Variants in KDM4C observed in about 807,000 individuals in gnomAD.
KDM4C encodes lysine demethylase 4C.
A neutral mutation model predicts 129.3 loss-of-function variants in KDM4C; 81 were observed. That is an observed-to-expected ratio of 0.63 (90% confidence interval 0.52 to 0.75). The LOEUF (loss-of-function observed/expected upper bound fraction) is 0.75. KDM4C is among the 30% of genes least tolerant of loss of function. The pLI is 0.00. For synonymous variants in KDM4C, 573 were observed against 456.1 expected (o/e 1.26, Z -3.26); for missense variants, 1,457 against 1,304.0 (o/e 1.12, Z -1.81).
intron 19 of KDM4C, among the ~76,000 whole-genome samples, chr9:7,144,095 CT>C (rs1037826434): frequency 4.6e-5 from 7 of 151,634 alleles, no homozygotes; most frequent in Non-Finnish European, 8.8e-5. Context: ...CATTACTCCT[CT>C]TTTTGTTTTT....
At chr9:6,822,498 C>G (rs1346513182) in intron 4 of KDM4C, among the ~76,000 whole-genome samples, 2 of 152,164 alleles carry the variant, frequency 1.3e-5, no homozygotes, top group African/African-American at 4.8e-5. Flanking sequence ...GTAGTTAAAA[C>G]AAGATCTTAG....
At chr9:7,075,289 A>T (rs1026761763) in intron 17 of KDM4C, among the ~76,000 whole-genome samples, 1 of 152,088 alleles carries the variant, frequency 6.6e-6, no homozygotes, top group Non-Finnish European at 1.5e-5. Flanking sequence ...TTGAAGTTCA[A>T]CTGTCCTGTT....
At chr9:7,151,906 C>T (rs758421235) in intron 19 of KDM4C, among the ~76,000 whole-genome samples, 3 of 152,180 alleles carry the variant, frequency 2.0e-5, no homozygotes, top group East Asian at 1.9e-4. Context: ...CTGAAAAAGA[C>T]GCAGTCAGAA....
intron 5 of KDM4C, among the ~76,000 whole-genome samples, chr9:6,866,843 C>T (rs936938999): frequency 6.7e-6 from 1 of 149,632 alleles, no homozygotes; most frequent in Non-Finnish European, 1.5e-5. Context: ...GGATCTGACT[C>T]CTCCTCATAT....
intron 15 of KDM4C, among the ~76,000 whole-genome samples, chr9:7,034,574 T>C (rs1207230651): frequency 1.3e-5 from 2 of 152,206 alleles, no homozygotes; most frequent in African/African-American, 4.8e-5. Flanking sequence ...TATTCATCTT[T>C]CATTGGATAC....
At chr9:6,813,169 G>A (rs987969070) in intron 3 of KDM4C, among the ~76,000 whole-genome samples, 17 of 151,960 alleles carry the variant, frequency 1.1e-4, no homozygotes, top group African/African-American at 2.7e-4. Context: ...GAGTGAGACC[G>A]TCTCAAAACA....
At chr9:7,004,515 A>G (rs1821302374) in intron 12 of KDM4C, among the ~76,000 whole-genome samples, 1 of 152,204 alleles carries the variant, frequency 6.6e-6, no homozygotes, top group African/African-American at 2.4e-5. Context: ...TGTAATATAT[A>G]TAGTCATACT....
intron 19 of KDM4C, among the ~76,000 whole-genome samples, chr9:7,137,518 C>A (rs536690926): frequency 6.6e-6 from 1 of 152,110 alleles, no homozygotes; most frequent in South Asian, 2.1e-4. Context: ...ACTTTTAAAT[C>A]GTTTCTTGCT....
At chr9:7,098,628 G>C (rs1236699855) in intron 17 of KDM4C, among the ~76,000 whole-genome samples, 1 of 152,140 alleles carries the variant, frequency 6.6e-6, no homozygotes, top group Non-Finnish European at 1.5e-5. Context: ...TCAGTGCACT[G>C]GGGACTTTGC....
chr9:7,027,984 G>A (rs919024735), intron 15 of KDM4C, among the ~76,000 whole-genome samples: 2 of 152,064 alleles, frequency 1.3e-5, no homozygotes, highest in African/African-American at 4.8e-5. Context: ...TCACCCTTCG[G>A]GACACTGGGC....
At chr9:7,043,981 A>G (rs1464907975) in intron 15 of KDM4C, among the ~76,000 whole-genome samples, 1 of 151,890 alleles carries the variant, frequency 6.6e-6, no homozygotes, top group African/African-American at 2.4e-5. Context: ...TATTAAGGGT[A>G]TACTCTCTAT....
intron 3 of KDM4C, among the ~76,000 whole-genome samples, chr9:6,812,903 C>A (rs745882389): frequency 6.6e-6 from 1 of 152,146 alleles, no homozygotes. Flanking sequence ...AGGCTGGGTG[C>A]GGTGGCTCTC....
rs573036977 is a variant in KDM4C, at chr9:6,840,868, A to G, written c.436-8639A>G. Among the ~76,000 whole-genome samples, 3 of 152,312 alleles carry G rather than the reference A, an allele frequency of 2.0e-5. No individual in the cohort carries two copies. In the East Asian group the frequency reaches 5.8e-4, roughly 29 times the overall value. ...GGTGGTGCATGCCATGTTGTTAGGT[A>G]GAAGACATGTCCCCAGCTCTACAGT... On this transcript the variant is annotated intron_variant, in intron 4 of 21. Coordinates refer to ENST00000381309, the MANE Select transcript of KDM4C (RefSeq NM_015061.6).
chr9:6,870,773 A>G (rs1280592402), intron 5 of KDM4C, among the ~76,000 whole-genome samples: 1 of 152,000 alleles, frequency 6.6e-6, no homozygotes, highest in Non-Finnish European at 1.5e-5. Context: ...CAAAACAGCA[A>G]CAACAAGCAG....
At chr9:7,105,183 C>G (rs1427243278) in intron 18 of KDM4C, among the ~76,000 whole-genome samples, 1 of 152,150 alleles carries the variant, frequency 6.6e-6, no homozygotes, top group African/African-American at 2.4e-5. Flanking sequence ...GTGCCTTGCC[C>G]TTAACAGTGT....
chr9:6,799,612 G>A (rs1359084652), intron 2 of KDM4C, among the ~76,000 whole-genome samples: 6 of 150,730 alleles, frequency 4.0e-5, no homozygotes, highest in South Asian at 4.2e-4. Flanking sequence ...GACGGGAGAC[G>A]GGAGACGGGA....
intron 8 of KDM4C, chr9:6,924,613 C>T (rs1001669106): frequency 5.6e-5 from 18 of 321,458 alleles, no homozygotes; most frequent in East Asian, 1.7e-4. Flanking sequence ...ACCTTGCCCA[C>T]GCCAATTCAG....
At chr9:6,747,088 G>C (rs1002715650) in intron 1 of KDM4C, among the ~76,000 whole-genome samples, 28 of 151,340 alleles carry the variant, frequency 1.9e-4, no homozygotes, top group African/African-American at 6.5e-4. Context: ...AGCTATTCAG[G>C]AGTCTGAGGT....
In KDM4C at chr9:6,765,295, T is replaced by C. The variant is rs1410301196; in HGVS notation, c.-18+7092T>C. On this transcript the variant is annotated intron_variant, in intron 1 of 21. Coordinates refer to ENST00000381309, the MANE Select transcript of KDM4C (RefSeq NM_015061.6). ...ACAACCTTCCTGAATGTGCTGTTTT[T>C]TGCCTGACTGATTTCTCCTCTCATT... Among the ~76,000 whole-genome samples the C allele has an allele frequency of 2.0e-5, 3 of 152,212 alleles. No individual in the cohort carries two copies. In the East Asian group the frequency reaches 5.8e-4, roughly 29 times the overall value.
Sources: gnomAD v4.1 joint callset for allele counts (sites outside exome capture counted in the v4.1 genomes callset) on GRCh38, gnomAD v4.1.1 for gene constraint, MANE v1.5 for transcripts, NCBI Gene and HGNC (gene_info 2026-07-23, HGNC 2026-07-21) for gene names.